HOOK2: variants seen among roughly 807,000 people sequenced by gnomAD.
The protein encoded by HOOK2 is hook microtubule tethering protein 2.
In HOOK2, 108 loss-of-function variants were observed where a neutral mutation model predicts 111.9. That is an observed-to-expected ratio of 0.96 (90% CI 0.83 to 1.13). HOOK2 has a LOEUF of 1.13. HOOK2 is among the 50% of genes most tolerant of loss of function. The probability of loss-of-function intolerance (pLI) is 0.00; values close to 1 mark genes in which losing one functional copy is unlikely to be tolerated. For missense variants in HOOK2, 978 were observed against 951.3 expected (o/e 1.03, Z -0.37); for synonymous variants, 405 against 394.3 (o/e 1.03, Z -0.32).
intron 5 of HOOK2, 38 bp from the exon 6 acceptor site, chr19:12,772,718 G>C: frequency 6.2e-7 from 1 of 1,613,978 alleles, no homozygotes; most frequent in African/African-American, 1.3e-5. Context: ...ACCCAGGGGT[G>C]AGGTGGGGAG....
chr19:12,792,266 C>T lies in HOOK2; in HGVS notation n.42-18041G>A, dbSNP rs1157758985. 4.7e-6 allele frequency: 7 copies of T among 1,492,220 alleles called. No homozygotes were observed. In the South Asian group the frequency reaches 5.2e-5, roughly 11 times the overall value. The allele number at this position is 1,492,220 out of a possible 1,614,324, so 92.4% of individuals were successfully genotyped here. ...TGTCCCTGGGCGCTACCGGGGGGCC[C>T]CCGGCTGGGCCCGGGGGCGTCTACG... On this transcript the variant is annotated intron_variant and non_coding_transcript_variant, in intron 3 of 3. Transcript: ENST00000589765.
At chr19:12,780,638 A>C (rs1382365005), upstream of HOOK2, among the ~76,000 whole-genome samples, 1 of 128,060 alleles carries the variant, frequency 7.8e-6, no homozygotes, top group Non-Finnish European at 1.6e-5. Context: ...TACAGGCGTG[A>C]ACCACCGCGC....
At chr19:12,766,273 G>A (rs1212789059) in intron 14 of HOOK2, 33 bp from the exon 15 acceptor site, 3 of 1,511,416 alleles carry the variant, frequency 2.0e-6, no homozygotes, top group Middle Eastern at 2.4e-4. Context: ...CAGGGCCAGG[G>A]TCGAGTCACC....
intron 14 of HOOK2, among the ~76,000 whole-genome samples, chr19:12,766,875 G>A (rs1242985654): frequency 2.6e-5 from 4 of 152,102 alleles, no homozygotes; most frequent in Non-Finnish European, 5.9e-5. Context: ...GAGCCACCGC[G>A]CCCGGTCGTT....
Position 12,767,378 on chromosome 19 carries a change from G to C in HOOK2, c.1373+17C>G, listed in dbSNP as rs750671550. The C allele has an allele frequency of 1.1e-5, 17 of 1,610,428 alleles. No individual in the cohort carries two copies. In the South Asian group the frequency reaches 1.5e-4, roughly 15 times the overall value. On this transcript the variant is annotated intron_variant, in intron 14 of 22. Coordinates refer to ENST00000397668, the MANE Select transcript of HOOK2 (RefSeq NM_013312.3). ...CAAGCCTGGGTGGGGCCAGAGTTTTGAGTGACCCCAGGATACCTGAGCTCC... is the reference window on the plus strand; with the variant it reads ...CAAGCCTGGGTGGGGCCAGAGTTTTCAGTGACCCCAGGATACCTGAGCTCC...
chr19:12,780,379 C>T (rs571804203), upstream of HOOK2, among the ~76,000 whole-genome samples: 2 of 151,794 alleles, frequency 1.3e-5, no homozygotes, highest in African/African-American at 4.8e-5. Flanking sequence ...TTTTTTGAGA[C>T]GGAGTCTCAC....
rs759378332 is a variant in HOOK2 at position 12,772,892 on chromosome 19, T to G, written c.276A>C (p.Ser92=). 6.2e-7 allele frequency: 1 copy of G among 1,614,214 alleles called. No homozygotes were observed. Among genetic ancestry groups the G allele is most frequent in the Non-Finnish European group, 8.5e-7 (1 of 1,180,042 alleles). The change falls in exon 5 of 23, where the codon TCA becomes TCC. Residue 92 remains serine, a synonymous_variant. Transcript: ENST00000397668. ...GGCTCACATCTGGGAGATGCTCTTC[T>G]GACACAGGATGCGCCAGGACCTGGG... ...YSQDVLAHPV[S]EEHLPDVSLI...
chr19:12,792,303 C>A (rs1226853530), intron 3 of HOOK2: 11 of 1,500,700 alleles, frequency 7.3e-6, no homozygotes, highest in South Asian at 3.8e-5. Flanking sequence ...CGGCCCGGAG[C>A]CACCTCCCGT....
intron 3 of HOOK2, among the ~76,000 whole-genome samples, chr19:12,788,379 A>G (rs1393260717): frequency 1.3e-5 from 2 of 152,188 alleles, no homozygotes; most frequent in Non-Finnish European, 2.9e-5. Context: ...AGCCCACAGT[A>G]AGAGCCATGT....
At chr19:12,776,252 A>T (rs1229960730), upstream of HOOK2, among the ~76,000 whole-genome samples, 1 of 151,274 alleles carries the variant, frequency 6.6e-6, no homozygotes, top group Non-Finnish European at 1.5e-5. Context: ...GGCACTTTCT[A>T]TGGACTGGGA....
In HOOK2 at chr19:12,791,990, C is replaced by A. The variant is rs767258323; in HGVS notation, n.42-17765G>T. On this transcript the variant is annotated intron_variant and non_coding_transcript_variant, in intron 3 of 3. Coordinates refer to the HOOK2 transcript ENST00000589765. This position sits in a 1 kb window ranked among gnomAD's most constrained non-coding sequence, Gnocchi z 7.0. ...GCGGCAGCTACTTTTCTGGTCAGGG[C>A]TCGGACACCGGCGCGTCTCTCAAGC... The A allele has an allele frequency of 1.2e-6, 2 of 1,611,616 alleles. No homozygotes were observed. Among genetic ancestry groups the A allele is most frequent in the Non-Finnish European group, 8.5e-7 (1 of 1,179,458 alleles).
chr19:12,763,715 G>A lies in HOOK2; in HGVS notation c.1891C>T (p.Leu631=). ...TCCCGTTCTCGGAGCTGTGTCCTCAGGGAATGGAGTTCTGGAGGTGCCCCC... is the reference window on the plus strand; with the variant it reads ...TCCCGTTCTCGGAGCTGTGTCCTCAAGGAATGGAGTTCTGGAGGTGCCCCC... ...AAGAPPELHS[L]RTQLRERDVR... is the part of the protein sequence containing the mutation. The change falls in exon 21 of 23, where the codon CTG becomes TTG. Residue 631 remains leucine (L), a synonymous_variant. Coordinates refer to ENST00000397668, the MANE Select transcript of HOOK2 (RefSeq NM_013312.3). 1 of 1,614,242 alleles carries A rather than the reference G, an allele frequency of 6.2e-7. No homozygotes were observed. The highest frequency in any genetic ancestry group is 8.5e-7 in the Non-Finnish European group (1 of 1,180,036).
In HOOK2 at chr19:12,786,639, G is replaced by A. The variant is rs536142690; in HGVS notation, n.42-12414C>T. Among the ~76,000 whole-genome samples, 14 of 152,318 alleles carry A rather than the reference G, an allele frequency of 9.2e-5. No homozygotes were observed. The South Asian group carries it at 1.2e-3, about 14-fold the overall frequency. On this transcript the variant is annotated intron_variant and non_coding_transcript_variant, in intron 3 of 3. Transcript: ENST00000589765. The surrounding 1 kb of genome is among the most constrained non-coding windows in gnomAD (Gnocchi z 4.3). ...ACCCTCCTCGTGGGGCCGGCCTGGCGCCAGTGGGGCGGCTTGAGGGGGTGG... is the reference window on the plus strand; with the variant it reads ...ACCCTCCTCGTGGGGCCGGCCTGGCACCAGTGGGGCGGCTTGAGGGGGTGG...
At chr19:12,770,772 G>A (rs73925210) in intron 10 of HOOK2, among the ~76,000 whole-genome samples, 160 bp downstream of exon 10, 2,821 of 151,728 alleles carry the variant, frequency 0.019, 83 homozygotes, top group African/African-American at 0.064. Flanking sequence ...GGCCTTGGGC[G>A]TTCTGTAGGG....
chr19:12,777,240 G>A, upstream of HOOK2, among the ~76,000 whole-genome samples: 1 of 152,096 alleles, frequency 6.6e-6, no homozygotes, highest in Non-Finnish European at 1.5e-5. Flanking sequence ...TTGGGAGGTC[G>A]AGGAGGGAGG....
chr19:12,786,401 C>T lies in HOOK2; in HGVS notation n.42-12176G>A, dbSNP rs957045139. 2.0e-5 allele frequency among the ~76,000 whole-genome samples: 3 copies of T among 152,076 alleles called. No individual in the cohort carries two copies. Among genetic ancestry groups the T allele is most frequent in the Non-Finnish European group, 4.4e-5 (3 of 67,948 alleles). ...GGGCTATTTATAAGAAGGAGAAGTC[C>T]CTCGTGCCAAGACCAAAAGCCCCGA... On this transcript the variant is annotated intron_variant and non_coding_transcript_variant, in intron 3 of 3. Coordinates refer to the HOOK2 transcript ENST00000589765. The surrounding 1 kb of genome is among the most constrained non-coding windows in gnomAD (Gnocchi z 4.3).
rs1452421779 is a variant in HOOK2, at chr19:12,766,233, G to A, written c.1381C>T (p.Leu461Phe). 1.3e-6 allele frequency: 2 copies of A among 1,579,244 alleles called. No homozygotes were observed. The highest frequency in any genetic ancestry group is 2.3e-5 in the South Asian group (2 of 88,822). Residue 461 changes from leucine to phenylalanine, a missense_variant, in exon 15 of 23, where the codon CTC becomes TTC. By Grantham distance (22) the Leu-to-Phe change is conservative. Coordinates refer to ENST00000397668, the MANE Select transcript of HOOK2 (RefSeq NM_013312.3). ...EILPAELRET[L>F]LRLQLENKRL... ...TTGTTCTCCAGCTGAAGCCGCAGGA[G>A]CGTCTCCCTGCAGACCCGGGAGGAG... is the stretch of plus-strand genomic sequence containing the variant.
Position 12,772,593 on chromosome 19 carries a change from C to T in HOOK2, c.456+20G>A, listed in dbSNP as rs373499098. The T allele has an allele frequency of 1.2e-6, 2 of 1,612,866 alleles. No homozygotes were observed. The highest frequency in any genetic ancestry group is 1.1e-5 in the South Asian group (1 of 90,970). On this transcript the variant is annotated intron_variant, in intron 6 of 22. Transcript: ENST00000397668. ...CCTCTCCTGACATTTTCCAATTGCA[C>T]ACTGAGTGCCCCCACCCACCTCTTG...
chr19:12,769,928 G>C lies in HOOK2; in HGVS notation c.1057C>G (p.Arg353Gly). 6.4e-7 allele frequency: 1 copy of C among 1,552,634 alleles called. No homozygotes were observed. Among genetic ancestry groups the C allele is most frequent in the Non-Finnish European group, 8.6e-7 (1 of 1,157,310 alleles). ...TGGGCGCGCAGGGAGCCCGCTCGGC[G>C]TAGCTCATCCTCCAGTTGTCGCGTG... ...ERTRQLEDEL[R>G]RAGSLRAQLE... The change falls in exon 11 of 23, where the codon CGC becomes GGC. Residue 353 changes from arginine (R) to glycine (G), a missense_variant. Coordinates refer to ENST00000397668, the MANE Select transcript of HOOK2 (RefSeq NM_013312.3).
Sources: gnomAD v4.1 joint callset for allele counts (sites outside exome capture counted in the v4.1 genomes callset) on GRCh38, gnomAD v4.1.1 for gene constraint, Gnocchi (gnomAD v3.1) non-coding constraint, MANE v1.5 for transcripts, NCBI Gene and HGNC (gene_info 2026-07-23, HGNC 2026-07-21) for gene names.